The following EIF3K variants were observed in gnomAD, a reference collection of about 807,000 sequenced individuals.
EIF3K encodes eukaryotic translation initiation factor 3 subunit K, also known as eIF-3 p28.
Under a neutral mutation model 34.2 loss-of-function variants are expected in EIF3K, and 27 were observed. The observed-to-expected ratio is 0.79, with a 90% CI of 0.58 to 1.09. The LOEUF is 1.09. EIF3K is among the 50% of genes least tolerant of loss of function. EIF3K has a pLI of 0.00. For missense variants in EIF3K, 232 were observed against 275.4 expected (o/e 0.84, Z 1.11); for synonymous variants, 105 against 105.7 (o/e 0.99, Z 0.04).
At chr19:38,626,189 G>A in intron 4 of EIF3K, 87 bp downstream of exon 4, 2 of 1,280,380 alleles carry the variant, frequency 1.6e-6, no homozygotes, top group Non-Finnish European at 1.1e-6. Context: ...ACACTGACTG[G>A]CTTCCTGCTT....
chr19:38,636,332 A>G (rs745757793), intron 7 of EIF3K, among the ~76,000 whole-genome samples: 1 of 152,118 alleles, frequency 6.6e-6, no homozygotes, highest in Admixed American at 6.6e-5. Context: ...TTCTGGCTCC[A>G]TTGCTCTGTG....
intron 3 of EIF3K, among the ~76,000 whole-genome samples, chr19:38,624,554 A>G (rs1011391386): frequency 5.3e-5 from 8 of 152,172 alleles, no homozygotes; most frequent in Admixed American, 2.0e-4. Flanking sequence ...CCTGGCCAAC[A>G]TGGCGAAACC....
chr19:38,620,134 G>A lies in EIF3K; in HGVS notation c.60-203G>A, dbSNP rs542635803. Among the ~76,000 whole-genome samples the A allele has an allele frequency of 7.9e-5, 12 of 152,300 alleles. No individual in the cohort carries two copies. The South Asian group carries it at 2.5e-3, about 32-fold the overall frequency. On this transcript the variant is annotated intron_variant, in intron 1 of 7. Transcript: ENST00000248342. ...AGCCAGGGCTCCAGTGGAGTTTAGA[G>A]CTTAGGCGAGAGGTCTGGGATAAGA...
intron 3 of EIF3K, 141 bp downstream of exon 3, chr19:38,624,338 G>A (rs1454835130): frequency 1.5e-6 from 2 of 1,324,578 alleles, no homozygotes; most frequent in African/African-American, 2.9e-5. Context: ...GTGCTGGACA[G>A]TGCTGGGACA....
At chr19:38,635,194 A>G (rs946119154) in intron 7 of EIF3K, 76 bp downstream of exon 7, 4 of 1,601,206 alleles carry the variant, frequency 2.5e-6, no homozygotes, top group Non-Finnish European at 3.4e-6. Context: ...AGGGGCCCAG[A>G]GGACCTGGGT....
intron 2 of EIF3K, among the ~76,000 whole-genome samples, chr19:38,621,660 T>A (rs1213327679): frequency 1.3e-5 from 2 of 152,230 alleles, no homozygotes; most frequent in African/African-American, 2.4e-5. Context: ...TCAGCTCAGC[T>A]CAGGTTTCCC....
chr19:38,621,948 C>A (rs943742022), intron 2 of EIF3K, among the ~76,000 whole-genome samples: 1 of 146,714 alleles, frequency 6.8e-6, no homozygotes, highest in Non-Finnish European at 1.5e-5. Context: ...TTCTGTTGCC[C>A]AGGCTGGAGT....
At chr19:38,628,847 G>A (rs540066236) in intron 4 of EIF3K, among the ~76,000 whole-genome samples, 1 of 151,412 alleles carries the variant, frequency 6.6e-6, no homozygotes, top group Non-Finnish European at 1.5e-5. Flanking sequence ...AAAAAATGTC[G>A]CATGTGACTC....
intron 7 of EIF3K, 60 bp downstream of exon 7, chr19:38,635,178 C>G: frequency 6.2e-7 from 1 of 1,610,544 alleles, no homozygotes; most frequent in South Asian, 1.1e-5. Context: ...CAAGGGAGGC[C>G]GAGGCAGGGG....
At chr19:38,625,513 A>ATTTTTTTTTTTT (rs1975930763) in intron 3 of EIF3K, among the ~76,000 whole-genome samples, 1 of 127,548 alleles carries the variant, frequency 7.8e-6, no homozygotes, top group South Asian at 2.4e-4. Context: ...TTTTGTTAAT[A>ATTTTTTTTTTTT]TTTTCTTTTT....
At chr19:38,635,443 C>G (rs1976169739) in intron 7 of EIF3K, 2 of 409,644 alleles carry the variant, frequency 4.9e-6, no homozygotes, top group Non-Finnish European at 8.8e-6. Context: ...ATCTTTTATT[C>G]TTGGGGTGCC....
chr19:38,624,106 C>G lies in EIF3K; in HGVS notation c.188C>G (p.Thr63Ser). The change falls in exon 3 of 8, where the codon ACC (threonine) becomes AGC (serine). Residue 63 changes from threonine to serine, a missense_variant. Physicochemically the swap from Thr to Ser is moderately conservative, Grantham distance 58. Coordinates refer to ENST00000248342, the MANE Select transcript of EIF3K (RefSeq NM_013234.4). Reference sequence around the variant, plus strand: ...CAGTTCAACCCAGCCTTCTTTCAGACCACGGTCACCGCCCAGATCCTGCTG... The same window carrying G: ...CAGTTCAACCCAGCCTTCTTTCAGAGCACGGTCACCGCCCAGATCCTGCTG... ...LYQFNPAFFQ[T>S]TVTAQILLKA... 6.2e-7 allele frequency: 1 copy of G among 1,614,174 alleles called. No individual in the cohort carries two copies. Among genetic ancestry groups the G allele is most frequent in the Non-Finnish European group, 8.5e-7 (1 of 1,180,026 alleles).
chr19:38,632,720 G>A (rs1599739220), intron 6 of EIF3K, 42 bp downstream of exon 6: 1 of 1,565,668 alleles, frequency 6.4e-7, no homozygotes, highest in Non-Finnish European at 8.7e-7. Flanking sequence ...GGAGGTTGGG[G>A]GTGGCTAGGG....
rs542988484 is a variant in EIF3K at position 38,631,640 on chromosome 19, G to A, written c.355-790G>A. The stretch of plus-strand genomic sequence containing the variant: ...CCTCTTGTCTCAACTGCAAAGAGGC[G>A]TTCCTTCCTCTTTTACTAATCCTCC... On this transcript the variant is annotated intron_variant, in intron 4 of 7. Coordinates refer to ENST00000248342, the MANE Select transcript of EIF3K (RefSeq NM_013234.4). Among the ~76,000 whole-genome samples, 621 of 152,280 alleles carry A rather than the reference G, an allele frequency of 4.1e-3. 4 individuals carry two copies. The highest frequency in any genetic ancestry group is 0.011 in the African/African-American group (471 of 41,570).
At chr19:38,633,603 C>T (rs1659255160) in intron 6 of EIF3K, among the ~76,000 whole-genome samples, 2 of 151,670 alleles carry the variant, frequency 1.3e-5, no homozygotes, top group South Asian at 4.2e-4. Flanking sequence ...GAGGCTGAGG[C>T]AGGAGAATTG....
chr19:38,622,472 C>T (rs983795085), intron 2 of EIF3K, among the ~76,000 whole-genome samples: 1 of 152,052 alleles, frequency 6.6e-6, no homozygotes, highest in Non-Finnish European at 1.5e-5. Flanking sequence ...TAGGTGTGGG[C>T]GACAGACATC....
chr19:38,635,825 GT>G (rs1976178670), intron 7 of EIF3K: 2 of 152,304 alleles, frequency 1.3e-5, no homozygotes, highest in Non-Finnish European at 1.5e-5. Context: ...CCGGCAGCGG[GT>G]GCTGCTTCAC....
In EIF3K at chr19:38,629,395, A is replaced by G. The variant is rs1976014975; in HGVS notation, c.355-3035A>G. ...CTGCAGCTTTGACCTCCCAGGCTCA[A>G]GTGATCCCCGCACTTCAGCCTCCTG... On this transcript the variant is annotated intron_variant, in intron 4 of 7. Coordinates refer to ENST00000248342, the MANE Select transcript of EIF3K (RefSeq NM_013234.4). Among the ~76,000 whole-genome samples, 3 of 152,308 alleles carry G rather than the reference A, an allele frequency of 2.0e-5. No homozygotes were observed. The South Asian group carries it at 6.2e-4, about 32-fold the overall frequency.
In EIF3K at chr19:38,619,246, G is replaced by A; in HGVS notation, c.-23G>A. On this transcript the variant is annotated 5_prime_UTR_variant, in exon 1 of 8. Coordinates refer to ENST00000248342, the MANE Select transcript of EIF3K (RefSeq NM_013234.4). ...CGGGTCAGTGTTAGCCTCCAGCCCTGGTTGTGGAAGGCGACAGAAGTCATG... is the reference window on the plus strand; with the variant it reads ...CGGGTCAGTGTTAGCCTCCAGCCCTAGTTGTGGAAGGCGACAGAAGTCATG... The A allele has an allele frequency of 6.2e-7, 1 of 1,613,752 alleles. No individual in the cohort carries two copies. Among genetic ancestry groups the A allele is most frequent in the South Asian group, 1.1e-5 (1 of 91,030 alleles).
Sources: allele counts gnomAD v4.1 joint callset (sites outside exome capture counted in the v4.1 genomes callset), GRCh38; gene constraint gnomAD v4.1.1; transcripts MANE v1.5; gene names NCBI Gene and HGNC (gene_info 2026-07-23, HGNC 2026-07-21).